TTI2: variants seen among roughly 807,000 people sequenced by gnomAD.
TTI2 encodes TELO2 interacting protein 2.
A neutral mutation model predicts 44.9 loss-of-function variants in TTI2; 26 were observed. The observed-to-expected ratio is 0.58, with a 90% CI of 0.42 to 0.80. The LOEUF (loss-of-function observed/expected upper bound fraction) is 0.80. Ranked by LOEUF, TTI2 falls within the 30% of genes least tolerant of loss-of-function variation. TTI2 has a pLI of 0.00. For synonymous variants in TTI2, 254 were observed against 250.9 expected (o/e 1.01, Z -0.12); for missense variants, 582 against 611.6 (o/e 0.95, Z 0.51).
At position 33,503,886 on chromosome 8, in the gene TTI2, A is replaced by G. The variant is rs774562403; in HGVS notation, c.977T>C (p.Leu326Pro). Reference sequence around the variant, plus strand: ...TCGAGCTCCATCTCCTTTCCAGTGCAGGGTTTTCTCCAGGATGGGGAATAA... The same window carrying G: ...TCGAGCTCCATCTCCTTTCCAGTGCGGGGTTTTCTCCAGGATGGGGAATAA... The part of the protein sequence containing the change: ...LDLFPILEKT[L>P]HWKGDGARPT... Residue 326 changes from leucine (L) to proline (P), a missense_variant, in exon 5 of 8, where the codon CTG (leucine) becomes CCG (proline). Physicochemically the swap from Leu to Pro is moderately conservative, Grantham distance 98 (BLOSUM62 -3). Coordinates refer to ENST00000431156, the MANE Select transcript of TTI2 (RefSeq NM_001102401.4). 46 of 1,613,990 alleles carry G rather than the reference A, an allele frequency of 2.9e-5. No individual in the cohort carries two copies. The highest frequency in any genetic ancestry group is 1.4e-4 in the South Asian group (13 of 91,082).
chr8:33,499,338 G>C (rs1290389410), intron 7 of TTI2, 61 bp from the exon 8 acceptor site: 2 of 1,192,252 alleles, frequency 1.7e-6, no homozygotes, highest in African/African-American at 1.5e-5. Context: ...TTCCCCTTTT[G>C]CTTGATTCTT....
intron 7 of TTI2, 75 bp from the exon 8 acceptor site, chr8:33,499,352 C>T (rs1353831813): frequency 1.9e-6 from 2 of 1,060,870 alleles, no homozygotes; most frequent in Non-Finnish European, 2.9e-6. Flanking sequence ...GATTCTTCTT[C>T]CTTGGTATCA....
Position 33,506,973 on chromosome 8 carries a change from G to A in TTI2, c.927+256C>T, listed in dbSNP as rs547921536. ...GCCTCCCAAAGTGCTGGGATTACAGGCGTGAGCCACCATGCCCAGCCCAAA... is the reference window on the plus strand; with the variant it reads ...GCCTCCCAAAGTGCTGGGATTACAGACGTGAGCCACCATGCCCAGCCCAAA... On this transcript the variant is annotated intron_variant, in intron 4 of 7. Coordinates refer to ENST00000431156, the MANE Select transcript of TTI2 (RefSeq NM_001102401.4). Among the ~76,000 whole-genome samples, 76 of 152,268 alleles carry A rather than the reference G, an allele frequency of 5.0e-4. 1 individual carries two copies. The South Asian group carries it at 0.014, about 29-fold the overall frequency.
chr8:33,506,389 C>CT lies in TTI2; in HGVS notation c.927+839dup, dbSNP rs10542848. 5.5e-3 allele frequency among the ~76,000 whole-genome samples: 585 copies of CT among 106,900 alleles called. 10 individuals carry two copies. The highest frequency in any genetic ancestry group is 0.016 in the South Asian group (55 of 3,434). The allele number at this position is 106,900 out of a possible 152,430, so 70.1% of individuals were successfully genotyped here. A position where few individuals can be genotyped will look rare whatever the true frequency, so the allele number is the denominator to read the frequency against. On this transcript the variant is annotated intron_variant, in intron 4 of 7. Transcript: ENST00000431156. ...ATAAAGCTGCCTCCAAAGTAACGTA[C>CT]TTTTTTTTTTTTTTTTTTTTGAGAT...
intron 2 of TTI2, 129 bp downstream of exon 2, chr8:33,511,838 G>A (rs1809538099): frequency 4.7e-6 from 5 of 1,072,740 alleles, no homozygotes; most frequent in Middle Eastern, 3.1e-4. Context: ...GCAGTGAGCT[G>A]AGATCGCAAC....
intron 5 of TTI2, 43 bp downstream of exon 5, chr8:33,503,705 C>T: frequency 6.2e-7 from 1 of 1,611,184 alleles, no homozygotes; most frequent in Non-Finnish European, 8.5e-7. Context: ...TAGCAAGATC[C>T]TGTCTGTATA....
intron 3 of TTI2, among the ~76,000 whole-genome samples, chr8:33,508,047 ATTTTTTC>A (rs1418794584): frequency 1.9e-5 from 2 of 107,376 alleles, no homozygotes; most frequent in African/African-American, 7.2e-5. Context: ...TTGTCCTGTC[ATTTTTTC>A]TGACAAGACA....
rs749134740 is a variant in TTI2 at position 33,509,886 on chromosome 8, T to G, written c.694A>C (p.Thr232Pro). Residue 232 changes from threonine (T) to proline (P), a missense_variant, in exon 3 of 8, where the codon ACT (threonine) becomes CCT (proline). Physicochemically the swap from Thr to Pro is conservative, Grantham distance 38. Coordinates refer to ENST00000431156, the MANE Select transcript of TTI2 (RefSeq NM_001102401.4). ...CAGGGCCGAGTGACCTGTTGCAGAG[T>G]CCATGAGAAAACATGTTTGATGGCA... ...NPAIKHVFSW[T>P]LQQVTRPWLS... 1 of 1,612,470 alleles carries G rather than the reference T, an allele frequency of 6.2e-7. No homozygotes were observed. Among genetic ancestry groups the G allele is most frequent in the East Asian group, 2.2e-5 (1 of 44,794 alleles).
chr8:33,499,567 G>C (rs1808988231), intron 7 of TTI2: 2 of 321,236 alleles, frequency 6.2e-6, no homozygotes, highest in Non-Finnish European at 5.8e-6. Flanking sequence ...GTTGGATCTA[G>C]GGCTTGAAAA....
chr8:33,500,194 T>C, intron 7 of TTI2, 134 bp downstream of exon 7: 1 of 930,886 alleles, frequency 1.1e-6, no homozygotes, highest in Non-Finnish European at 1.6e-6. Context: ...GCTAGAGGGC[T>C]CATATGGAGA....
intron 4 of TTI2, among the ~76,000 whole-genome samples, chr8:33,504,999 G>C (rs144300839): frequency 0.012 from 1,846 of 152,286 alleles, 45 homozygotes; most frequent in African/African-American, 0.042. Flanking sequence ...AAGGCGGGCG[G>C]ATCACTTGAG....
chr8:33,506,705 T>A (rs867773152), intron 4 of TTI2, among the ~76,000 whole-genome samples: 57 of 123,512 alleles, frequency 4.6e-4, no homozygotes, highest in Admixed American at 1.9e-3. Flanking sequence ...TTTTTTTTTT[T>A]AAATTGAGAT....
At chr8:33,507,132 C>T in intron 4 of TTI2, 97 bp downstream of exon 4, 1 of 1,096,210 alleles carries the variant, frequency 9.1e-7, no homozygotes, top group Non-Finnish European at 1.4e-6. Flanking sequence ...CTTTCCAAGG[C>T]AGGAAAATGT....
intron 3 of TTI2, among the ~76,000 whole-genome samples, chr8:33,508,151 G>C (rs1369506094): frequency 1.1e-5 from 1 of 88,350 alleles, no homozygotes; most frequent in Admixed American, 1.3e-4. Context: ...AGTCTAAAAA[G>C]TATAAAAGCA....
intron 4 of TTI2, among the ~76,000 whole-genome samples, chr8:33,505,485 C>CTTTT (rs11446015): frequency 1.4e-5 from 2 of 146,934 alleles, no homozygotes; most frequent in Non-Finnish European, 1.5e-5. Context: ...GCCACTGCAC[C>CTTTT]TTTTTTTTTT....
chr8:33,505,291 C>T (rs1459450105), intron 4 of TTI2, among the ~76,000 whole-genome samples: 2 of 151,968 alleles, frequency 1.3e-5, no homozygotes, highest in African/African-American at 4.8e-5. Context: ...GGAAGTAAGG[C>T]ATAAAAAAGA....
At chr8:33,503,108 G>A (rs1323079424) in intron 6 of TTI2, among the ~76,000 whole-genome samples, 6 of 137,270 alleles carry the variant, frequency 4.4e-5, no homozygotes, top group Admixed American at 1.6e-4. Context: ...CAGCCTGGGC[G>A]ACAGTGTGAG....
chr8:33,500,952 T>C (rs1363574841), intron 6 of TTI2: 2 of 157,618 alleles, frequency 1.3e-5, no homozygotes, highest in African/African-American at 4.8e-5. Flanking sequence ...AAGTTGAATT[T>C]TCTGTCATTT....
Position 33,503,413 on chromosome 8 carries a change from T to C in TTI2, c.1259+16A>G. The C allele has an allele frequency of 6.2e-7, 1 of 1,614,128 alleles. No homozygotes were observed. The highest frequency in any genetic ancestry group is 8.5e-7 in the Non-Finnish European group (1 of 1,180,018). ...GAGAAAATCGGCTGAGTTTTGCACCTTAAGGCTGCTATTACCTGGGCCAAG... is the reference window on the plus strand; with the variant it reads ...GAGAAAATCGGCTGAGTTTTGCACCCTAAGGCTGCTATTACCTGGGCCAAG... On this transcript the variant is annotated intron_variant, in intron 6 of 7. Transcript: ENST00000431156.
Sources: gnomAD v4.1 joint callset for allele counts (sites outside exome capture counted in the v4.1 genomes callset) on GRCh38, gnomAD v4.1.1 for gene constraint, MANE v1.5 for transcripts, NCBI Gene and HGNC (gene_info 2026-07-23, HGNC 2026-07-21) for gene names.